Variants in RNF144A observed in about 807,000 individuals in gnomAD.
RNF144A encodes E3 ubiquitin-protein ligase RNF144A.
RNF144A carries 11 observed loss-of-function variants against 38.7 expected under a neutral mutation model. The ratio of observed to expected loss-of-function variants is 0.28; its 90% CI spans 0.18 to 0.47. The LOEUF (loss-of-function observed/expected upper bound fraction) is 0.47. RNF144A is among the 20% of genes least tolerant of loss of function. The pLI is 0.99. For synonymous variants in RNF144A, 149 were observed against 143.9 expected (o/e 1.04, Z -0.25); for missense variants, 316 against 377.2 (o/e 0.84, Z 1.34).
intron 2 of RNF144A, among the ~76,000 whole-genome samples, chr2:6,988,112 C>T (rs1669069564): frequency 1.3e-5 from 2 of 152,106 alleles, no homozygotes; most frequent in South Asian, 2.1e-4. Context: ...TATTTTAGGG[C>T]AGTTTAGATT....
chr2:7,016,614 G>GT (rs55964355), intron 5 of RNF144A, among the ~76,000 whole-genome samples: 17 of 148,674 alleles, frequency 1.1e-4, no homozygotes, highest in Non-Finnish European at 1.0e-4. Context: ...TATGTTCAAA[G>GT]TTTTTTTTTT....
chr2:6,983,543 T>C (rs547972328), intron 2 of RNF144A, among the ~76,000 whole-genome samples: 2 of 152,216 alleles, frequency 1.3e-5, no homozygotes, highest in Non-Finnish European at 2.9e-5. Context: ...GCGCTACTTA[T>C]TCTTATGCAG....
chr2:7,037,215 T>C (rs1672738204), intron 8 of RNF144A, among the ~76,000 whole-genome samples: 2 of 152,242 alleles, frequency 1.3e-5, no homozygotes, highest in African/African-American at 4.8e-5. Context: ...AGTACCTGCA[T>C]CTGCCTGTCA....
chr2:6,973,559 A>G (rs2103350756), intron 2 of RNF144A, among the ~76,000 whole-genome samples: 1 of 152,348 alleles, frequency 6.6e-6, no homozygotes, highest in South Asian at 2.1e-4. Context: ...CACTGGCTGC[A>G]GGAAGATAGG....
chr2:6,961,172 A>C (rs1667308638), intron 2 of RNF144A, among the ~76,000 whole-genome samples: 2 of 152,006 alleles, frequency 1.3e-5, no homozygotes, highest in African/African-American at 4.8e-5. Flanking sequence ...TCTTTTTTTA[A>C]GTCTGATGTT....
At chr2:6,981,599 C>T (rs1028005219) in intron 2 of RNF144A, among the ~76,000 whole-genome samples, 1 of 152,200 alleles carries the variant, frequency 6.6e-6, no homozygotes, top group South Asian at 2.1e-4. Flanking sequence ...CCATCTGAGA[C>T]CACCTCAGCC....
At position 6,932,196 on chromosome 2, in the gene RNF144A, T is replaced by C. The variant is rs112491517; in HGVS notation, c.-211-8752T>C. On this transcript the variant is annotated intron_variant, in intron 1 of 8. Transcript: ENST00000320892. Reference sequence around the variant, plus strand: ...TTGTTGTGATGATTTTTTTCTTGCTTTGAACTCTGCTTTATTCGAAATTAA... The same window carrying C: ...TTGTTGTGATGATTTTTTTCTTGCTCTGAACTCTGCTTTATTCGAAATTAA... 1.7e-4 allele frequency among the ~76,000 whole-genome samples: 26 copies of C among 152,362 alleles called. 1 individual carries two copies. Among genetic ancestry groups the C allele is most frequent in the African/African-American group, 5.5e-4 (23 of 41,592 alleles).
intron 2 of RNF144A, among the ~76,000 whole-genome samples, chr2:6,946,048 T>C (rs1666324980): frequency 1.3e-5 from 2 of 152,200 alleles, no homozygotes; most frequent in Non-Finnish European, 2.9e-5. Flanking sequence ...GGATGGTTGA[T>C]TGAGTGATAT....
At chr2:6,918,805 A>G (rs118107744) in intron 1 of RNF144A, 4,180 of 145,314 alleles carry the variant, frequency 0.029, 205 homozygotes, top group East Asian at 0.21. Flanking sequence ...TTGAACAAAC[A>G]TCCTGCGCTG....
chr2:7,046,402 T>C (rs1410426113), downstream of RNF144A, among the ~76,000 whole-genome samples: 1 of 152,232 alleles, frequency 6.6e-6, no homozygotes, highest in East Asian at 1.9e-4. Flanking sequence ...CAGGGAAGGC[T>C]GGAGCCACAT....
chr2:6,938,092 G>A (rs1235715621), intron 1 of RNF144A, among the ~76,000 whole-genome samples: 1 of 152,186 alleles, frequency 6.6e-6, no homozygotes, highest in Non-Finnish European at 1.5e-5. Context: ...CTAAAGTTAA[G>A]CAGAGTTTAC....
chr2:7,023,402 A>G (rs924502699), intron 6 of RNF144A, among the ~76,000 whole-genome samples: 3 of 152,226 alleles, frequency 2.0e-5, no homozygotes, highest in African/African-American at 7.2e-5. Context: ...CCGTGAATAT[A>G]TACCCATACA....
intron 2 of RNF144A, among the ~76,000 whole-genome samples, chr2:6,976,222 A>C (rs533987928): frequency 6.6e-6 from 1 of 152,246 alleles, no homozygotes; most frequent in East Asian, 1.9e-4. Flanking sequence ...AACTCCAGCC[A>C]GTAAGGTGTG....
At chr2:6,982,463 T>C (rs75621811) in intron 2 of RNF144A, among the ~76,000 whole-genome samples, 27,659 of 152,154 alleles carry the variant, frequency 0.18, 2,628 homozygotes, top group African/African-American at 0.23. Flanking sequence ...TTTTTCTTCC[T>C]AGATAACTAG....
chr2:6,969,000 T>A (rs969294187), intron 2 of RNF144A, among the ~76,000 whole-genome samples: 1 of 152,214 alleles, frequency 6.6e-6, no homozygotes, highest in Non-Finnish European at 1.5e-5. Flanking sequence ...CACCCTGGTA[T>A]ACCGCCTCTT....
At chr2:7,019,650 C>T (rs573215561) in intron 5 of RNF144A, among the ~76,000 whole-genome samples, 1 of 152,302 alleles carries the variant, frequency 6.6e-6, no homozygotes, top group African/African-American at 2.4e-5. Flanking sequence ...ATCGAGAATT[C>T]GGCATCATGC....
intron 7 of RNF144A, 124 bp downstream of exon 7, chr2:7,024,640 C>T: frequency 1.8e-6 from 2 of 1,092,122 alleles, no homozygotes; most frequent in South Asian, 3.2e-5. Context: ...AGTGAAGCAA[C>T]ACCGTTTGGT....
chr2:7,029,541 T>A (rs1672142147), intron 7 of RNF144A, among the ~76,000 whole-genome samples: 1 of 152,234 alleles, frequency 6.6e-6, no homozygotes, highest in Admixed American at 6.5e-5. Flanking sequence ...CTCCCCGGGC[T>A]GGATCTTGAA....
At position 6,946,818 on chromosome 2, in the gene RNF144A, G is replaced by A. The variant is rs187187614; in HGVS notation, c.-12+5671G>A. 1.0e-3 allele frequency among the ~76,000 whole-genome samples: 155 copies of A among 152,136 alleles called. 1 individual carries two copies. The highest frequency in any genetic ancestry group is 8.5e-4 in the Admixed American group (13 of 15,290). The stretch of plus-strand genomic sequence containing the variant: ...AGTAATGAGTACAATTATTTATAAA[G>A]TCTTAGTATAGTCTCTTGATGTGTT... On this transcript the variant is annotated intron_variant, in intron 2 of 8. Transcript: ENST00000320892.
Sources: allele counts gnomAD v4.1 joint callset (sites outside exome capture counted in the v4.1 genomes callset), GRCh38; gene constraint gnomAD v4.1.1; transcripts MANE v1.5; gene names NCBI Gene and HGNC (gene_info 2026-07-23, HGNC 2026-07-21).